PABPC4L: variants seen among roughly 807,000 people sequenced by gnomAD.
PABPC4L encodes the protein polyadenylate-binding protein 4-like.
For missense variants in PABPC4L, 452 were observed against 451.4 expected (o/e 1.00, Z -0.01); for synonymous variants, 169 against 164.1 (o/e 1.03, Z -0.23).
chr4:134,045,212 A>G, the PABPC4L span, among the ~76,000 whole-genome samples: 1 of 152,180 alleles, frequency 6.6e-6, no homozygotes, highest in African/African-American at 2.4e-5. Context: ...TAAAAATCAT[A>G]AGTTAAATTT....
the PABPC4L span, among the ~76,000 whole-genome samples, chr4:134,147,137 G>T: frequency 6.6e-6 from 1 of 151,892 alleles, no homozygotes; most frequent in Non-Finnish European, 1.5e-5. Context: ...AACTGATTTG[G>T]GCTGTTTATT....
chr4:134,037,421 A>T, the PABPC4L span, among the ~76,000 whole-genome samples: 1 of 151,962 alleles, frequency 6.6e-6, no homozygotes, highest in Non-Finnish European at 1.5e-5. Flanking sequence ...TGTAAAAGGG[A>T]TTTATTCTTG....
chr4:133,970,834 C>T, the PABPC4L span, among the ~76,000 whole-genome samples: 1 of 152,154 alleles, frequency 6.6e-6, no homozygotes, highest in African/African-American at 2.4e-5. Flanking sequence ...AGTAAAGAGA[C>T]TGCCATCTGT....
At chr4:134,055,316 G>C in the PABPC4L span, among the ~76,000 whole-genome samples, 1 of 151,954 alleles carries the variant, frequency 6.6e-6, no homozygotes, top group Non-Finnish European at 1.5e-5. Context: ...TTAAGGGTGA[G>C]GCCTTGGTCT....
At chr4:134,183,377 GTTC>G in the PABPC4L span, among the ~76,000 whole-genome samples, 1 of 151,828 alleles carries the variant, frequency 6.6e-6, no homozygotes, top group South Asian at 2.1e-4. Context: ...GATATCGTAC[GTTC>G]TCACTTATAA....
the PABPC4L span, among the ~76,000 whole-genome samples, chr4:134,072,389 G>A: frequency 6.6e-6 from 1 of 152,148 alleles, no homozygotes; most frequent in Admixed American, 6.6e-5. Flanking sequence ...AGAACTAGCA[G>A]TAGACTAAGT....
chr4:134,132,878 T>TATTTTA, the PABPC4L span, among the ~76,000 whole-genome samples: 6 of 147,070 alleles, frequency 4.1e-5, no homozygotes, highest in Non-Finnish European at 3.0e-5. Flanking sequence ...TTATATTTTA[T>TATTTTA]ATAAATGTAT....
the PABPC4L span, among the ~76,000 whole-genome samples, chr4:134,138,631 A>G: frequency 6.6e-6 from 1 of 151,856 alleles, no homozygotes; most frequent in South Asian, 2.1e-4. Context: ...CCAGTGGCCA[A>G]ATGATACTCA....
At chr4:134,024,311 T>G in the PABPC4L span, among the ~76,000 whole-genome samples, 8 of 152,154 alleles carry the variant, frequency 5.3e-5, no homozygotes, top group Admixed American at 3.3e-4. Context: ...TTGGTCTACT[T>G]GGGCGCCATA....
At chr4:134,161,850 A>G in the PABPC4L span, among the ~76,000 whole-genome samples, 1 of 152,170 alleles carries the variant, frequency 6.6e-6, no homozygotes, top group Non-Finnish European at 1.5e-5. Flanking sequence ...CATTAAAAAT[A>G]ATACTACAGC....
chr4:134,105,217 TA>T, the PABPC4L span, among the ~76,000 whole-genome samples: 2 of 151,602 alleles, frequency 1.3e-5, no homozygotes, highest in East Asian at 1.9e-4. Flanking sequence ...CTTTACATAT[TA>T]AAAAAAGATA....
the PABPC4L span, among the ~76,000 whole-genome samples, chr4:133,988,706 G>A: frequency 6.6e-6 from 1 of 152,170 alleles, no homozygotes; most frequent in Admixed American, 6.5e-5. Context: ...CTGGGGTCTG[G>A]AGGATGGTGG....
chr4:134,177,364 C>T, the PABPC4L span, among the ~76,000 whole-genome samples: 6 of 151,852 alleles, frequency 4.0e-5, no homozygotes, highest in South Asian at 2.1e-4. Context: ...TTAGTAGAGA[C>T]GGGGTTTCAC....
chr4:133,966,929 A>C, the PABPC4L span, among the ~76,000 whole-genome samples: 1 of 152,146 alleles, frequency 6.6e-6, no homozygotes, highest in African/African-American at 2.4e-5. Context: ...CGGTGAAAGA[A>C]ATGTACCTTG....
At chr4:134,195,440 T>G (rs185724877), downstream of PABPC4L, among the ~76,000 whole-genome samples, 1,235 of 151,578 alleles carry the variant, frequency 8.1e-3, 14 homozygotes, top group African/African-American at 0.028. Flanking sequence ...ATTCACTGAA[T>G]GCAAAAAAAA....
chr4:134,069,818 TCATTTCAGC>T, the PABPC4L span, among the ~76,000 whole-genome samples: 1 of 152,110 alleles, frequency 6.6e-6, no homozygotes, highest in Non-Finnish European at 1.5e-5. Flanking sequence ...TCTATTTCTG[TCATTTCAGC>T]CATTTCAGCC....
At chr4:134,086,817 T>C in the PABPC4L span, among the ~76,000 whole-genome samples, 2 of 152,022 alleles carry the variant, frequency 1.3e-5, no homozygotes, top group Non-Finnish European at 2.9e-5. Flanking sequence ...CTTTTATTAT[T>C]ATACTTTAAG....
chr4:133,972,641 T>C, the PABPC4L span, among the ~76,000 whole-genome samples: 3 of 152,164 alleles, frequency 2.0e-5, no homozygotes, highest in Admixed American at 6.5e-5. Flanking sequence ...TGAACAACAA[T>C]TGATAGGACT....
At chr4:134,055,174 C>A in the PABPC4L span, among the ~76,000 whole-genome samples, 1 of 152,018 alleles carries the variant, frequency 6.6e-6, no homozygotes, top group East Asian at 1.9e-4. Context: ...AGCTCTAACC[C>A]TCAATATGAC....
Sources: allele counts gnomAD v4.1 joint callset (sites outside exome capture counted in the v4.1 genomes callset), GRCh38; gene constraint gnomAD v4.1.1; transcripts MANE v1.5; gene names NCBI Gene and HGNC (gene_info 2026-07-23, HGNC 2026-07-21).